Variants in SREK1 observed in about 807,000 individuals in gnomAD.
SREK1 encodes splicing regulatory glutamine/lysine-rich protein 1.
In SREK1, 13 loss-of-function variants were observed where a neutral mutation model predicts 66.5. The observed-to-expected ratio is 0.20, with a 90% CI of 0.13 to 0.31. The LOEUF is 0.31. SREK1 is among the 10% of genes least tolerant of loss of function. The pLI, the probability that SREK1 is intolerant of heterozygous loss-of-function variation, is 1.00. For missense variants in SREK1, 607 were observed against 769.6 expected, an observed-to-expected ratio of 0.79 and a Z score of 2.50; for synonymous variants, 265 against 263.5, an observed-to-expected ratio of 1.01 and a Z score of -0.05.
rs1054682310 is a variant in SREK1 at position 66,145,188 on chromosome 5, G to C, written c.161+651G>C. The C allele has an allele frequency of 1.8e-5, 18 of 984,290 alleles. No homozygotes were observed. The African/African-American group carries it at 3.1e-4, about 17-fold the overall frequency. 61.0% of individuals were successfully genotyped at this position (984,290 alleles called of 1,614,324 possible). A position where few individuals can be genotyped will look rare whatever the true frequency, so the allele number is the denominator to read the frequency against. ...CCCAAAGCTTTCAGAAAAAGTGTAAGTCGGTGCAGGGTTATCCCTCCCGTA... is the reference window on the plus strand; with the variant it reads ...CCCAAAGCTTTCAGAAAAAGTGTAACTCGGTGCAGGGTTATCCCTCCCGTA... On this transcript the variant is annotated intron_variant, in intron 1 of 11. Coordinates refer to ENST00000334121, the MANE Select transcript of SREK1 (RefSeq NM_001077199.3).
At chr5:66,156,337 G>C in intron 2 of SREK1, 3 of 1,282,672 alleles carry the variant, frequency 2.3e-6, no homozygotes, top group Non-Finnish European at 2.9e-6. Flanking sequence ...CCAGTTCTTT[G>C]TAAATGGTAT....
intron 1 of SREK1, among the ~76,000 whole-genome samples, chr5:66,147,869 T>C (rs1271578697): frequency 2.7e-5 from 4 of 149,720 alleles, no homozygotes; most frequent in African/African-American, 9.7e-5. Context: ...ATATGTAATA[T>C]AGCGTAATCA....
chr5:66,161,344 G>C (rs560397864), intron 3 of SREK1, among the ~76,000 whole-genome samples: 2 of 152,162 alleles, frequency 1.3e-5, no homozygotes, highest in Non-Finnish European at 2.9e-5. Context: ...GTGGTCGTTC[G>C]TGGACATACA....
At position 66,170,938 on chromosome 5, in the gene SREK1, G is replaced by T; in HGVS notation, c.1475G>T (p.Ser492Ile). 6.3e-7 allele frequency: 1 copy of T among 1,597,714 alleles called. No homozygotes were observed. Among genetic ancestry groups the T allele is most frequent in the Non-Finnish European group, 8.5e-7 (1 of 1,174,872 alleles). ...RSYNASRRSR[S>I]SSRERRRRRS... ...TACAATGCATCGCGAAGATCTCGTA[G>T]TTCCAGCAGGTTTGATAATGCTTAA... The change falls in exon 9 of 12, where the codon AGT becomes ATT. Residue 492 changes from serine to isoleucine, a missense_variant. This residue lies in a region of SREK1 where 318 missense variants were observed against 310.3 expected (regional missense o/e 1.02). Coordinates refer to ENST00000334121, the MANE Select transcript of SREK1 (RefSeq NM_001077199.3).
chr5:66,160,006 C>T (rs1210166099), intron 3 of SREK1, among the ~76,000 whole-genome samples: 1 of 151,870 alleles, frequency 6.6e-6, no homozygotes, highest in Non-Finnish European at 1.5e-5. Context: ...GGCGGGTGCC[C>T]GTAGTCCCAG....
chr5:66,163,991 T>C, intron 6 of SREK1, 69 bp downstream of exon 6: 2 of 1,520,498 alleles, frequency 1.3e-6, no homozygotes, highest in African/African-American at 1.4e-5. Flanking sequence ...GGAAGGAATT[T>C]TAGAAATCAT....
intron 9 of SREK1, 93 bp from the exon 10 acceptor site, chr5:66,174,853 A>G: frequency 8.7e-7 from 1 of 1,152,550 alleles, no homozygotes; most frequent in Admixed American, 2.1e-5. Context: ...TACTGTTCAT[A>G]TGAGAATATC....
intron 9 of SREK1, 111 bp downstream of exon 9, chr5:66,171,058 A>C: frequency 7.8e-7 from 1 of 1,278,450 alleles, no homozygotes; most frequent in Non-Finnish European, 1.1e-6. Context: ...CTGTAAAGTA[A>C]TATAAGAACA....
At chr5:66,156,329 A>G (rs1744282869) in intron 2 of SREK1, 7 of 1,291,078 alleles carry the variant, frequency 5.4e-6, no homozygotes, top group Non-Finnish European at 6.8e-6. Flanking sequence ...TGGTTTTCCC[A>G]GTTCTTTGTA....
At chr5:66,174,315 CTG>C (rs556556323) in intron 9 of SREK1, among the ~76,000 whole-genome samples, 6 of 148,446 alleles carry the variant, frequency 4.0e-5, no homozygotes, top group Non-Finnish European at 8.8e-5. Context: ...CAGATTGTAA[CTG>C]TTTTGCTTAC....
intron 2 of SREK1, among the ~76,000 whole-genome samples, chr5:66,154,677 C>T (rs943802314): frequency 1.3e-5 from 2 of 152,064 alleles, no homozygotes; most frequent in South Asian, 2.1e-4. Context: ...GAGTACCAGG[C>T]TCGTATTTTT....
chr5:66,171,408 T>G (rs904745690), intron 9 of SREK1, among the ~76,000 whole-genome samples: 4 of 152,146 alleles, frequency 2.6e-5, no homozygotes, highest in Non-Finnish European at 4.4e-5. Flanking sequence ...TAAATTTTGG[T>G]CGTGTTTTAT....
intron 2 of SREK1, chr5:66,158,215 T>C (rs1408295831): frequency 6.6e-6 from 1 of 151,722 alleles, no homozygotes; most frequent in Non-Finnish European, 1.5e-5. Context: ...ATATGCCAAA[T>C]CGTACTTATT....
chr5:66,144,357 G>C lies in SREK1; in HGVS notation c.-20G>C. On this transcript the variant is annotated 5_prime_UTR_variant, in exon 1 of 12. Transcript: ENST00000334121. Reference sequence around the variant, plus strand: ...GTCGTAGACGTTGGGGAGCGGGAAGGCAACGGCAGCGGGATCGGGATGAAC... The same window carrying C: ...GTCGTAGACGTTGGGGAGCGGGAAGCCAACGGCAGCGGGATCGGGATGAAC... 6.6e-7 allele frequency: 1 copy of C among 1,523,876 alleles called. No homozygotes were observed. The allele number at this position is 1,523,876 out of a possible 1,614,324, so 94.4% of individuals were successfully genotyped here. A position where few individuals can be genotyped will look rare whatever the true frequency, so the allele number is the denominator to read the frequency against.
At chr5:66,164,191 A>C in intron 6 of SREK1, 1 of 356,188 alleles carries the variant, frequency 2.8e-6, no homozygotes, top group East Asian at 5.7e-5. Flanking sequence ...TGATTTGCTG[A>C]AAGCAAAAAT....
At chr5:66,159,442 T>G in intron 3 of SREK1, 108 bp downstream of exon 3, 2 of 932,314 alleles carry the variant, frequency 2.1e-6, no homozygotes, top group Non-Finnish European at 2.9e-6. Context: ...TTTTTTTTTT[T>G]TTAATAGAGA....
chr5:66,156,362 A>G, intron 2 of SREK1: 1 of 1,233,958 alleles, frequency 8.1e-7, no homozygotes, highest in Non-Finnish European at 1.0e-6. Flanking sequence ...TTAAGGGTTC[A>G]TAACGTGTTG....
chr5:66,165,179 T>G (rs1390762343), intron 7 of SREK1: 4 of 240,876 alleles, frequency 1.7e-5, no homozygotes, highest in Non-Finnish European at 3.2e-5. Flanking sequence ...AGTAAACTAG[T>G]CTTTATATAG....
At chr5:66,172,381 C>A (rs1352849699) in intron 9 of SREK1, among the ~76,000 whole-genome samples, 3 of 152,106 alleles carry the variant, frequency 2.0e-5, no homozygotes, top group Non-Finnish European at 4.4e-5. Context: ...CAAGTGTTCA[C>A]ATTCATTCCT....
Sources: allele counts gnomAD v4.1 joint callset (sites outside exome capture counted in the v4.1 genomes callset), GRCh38; gene constraint gnomAD v4.1.1; regional missense constraint gnomAD v4.1.1; transcripts MANE v1.5; gene names NCBI Gene and HGNC (gene_info 2026-07-23, HGNC 2026-07-21).